CACNB4: variants seen among roughly 807,000 people sequenced by gnomAD.
CACNB4 encodes voltage-dependent L-type calcium channel subunit beta-4.
Under a neutral mutation model 71.2 loss-of-function variants are expected in CACNB4, and 32 were observed. That is an observed-to-expected ratio of 0.45 (90% CI 0.34 to 0.60). The LOEUF is 0.60. Ranked by LOEUF, CACNB4 falls within the 20% of genes least tolerant of loss-of-function variation. CACNB4 has a pLI of 0.01. For missense variants in CACNB4, 464 were observed against 647.9 expected, an observed-to-expected ratio of 0.72 and a Z score of 3.08; for synonymous variants, 231 against 236.9, an observed-to-expected ratio of 0.97 and a Z score of 0.23.
intron 2 of CACNB4, among the ~76,000 whole-genome samples, chr2:152,033,167 C>T (rs958356040): frequency 1.3e-5 from 2 of 152,040 alleles, no homozygotes; most frequent in African/African-American, 2.4e-5. Flanking sequence ...AAGACCCAGG[C>T]GGCTGGTTAA....
At chr2:151,861,639 T>G (rs905882126) in intron 9 of CACNB4, 28 of 151,868 alleles carry the variant, frequency 1.8e-4, no homozygotes, top group African/African-American at 6.8e-4. Flanking sequence ...GGTCAGGAGT[T>G]CAAGACCAGC....
intron 2 of CACNB4, among the ~76,000 whole-genome samples, chr2:151,986,914 G>A (rs1047571305): frequency 3.3e-5 from 5 of 152,116 alleles, no homozygotes; most frequent in Non-Finnish European, 7.3e-5. Flanking sequence ...TTGCTTCAGA[G>A]ATTGTTTTTT....
intron 2 of CACNB4, among the ~76,000 whole-genome samples, chr2:151,888,897 A>C (rs1388903262): frequency 1.3e-5 from 2 of 152,250 alleles, no homozygotes; most frequent in African/African-American, 4.8e-5. Context: ...TGGAACTTTT[A>C]CTGTAATGAT....
intron 2 of CACNB4, among the ~76,000 whole-genome samples, chr2:151,940,167 G>C (rs1176602920): frequency 6.6e-6 from 1 of 152,186 alleles, no homozygotes; most frequent in African/African-American, 2.4e-5. Flanking sequence ...AAGAGGTATG[G>C]CTCTTTCTAG....
chr2:151,876,430 CG>C lies in CACNB4; in HGVS notation c.516del (p.His172GlnfsTer35), dbSNP rs1466945635. ...IQQEQKRGRFHGGKSSGNSSS... is the reference protein window; with the variant it reads ...IQQEQKRGRFXGGKSSGNSSS... ...ATAGAAAAGATGGGAACGTACCCTCCGTGAAAACGTCCTCTTTTTTGTTCTT... is the reference window on the plus strand; with the variant it reads ...ATAGAAAAGATGGGAACGTACCCTCCTGAAAACGTCCTCTTTTTTGTTCTT... On this transcript the variant is annotated frameshift_variant, in exon 5 of 14. Transcript: ENST00000539935. LOFTEE classifies it high-confidence loss of function. 6.3e-7 allele frequency: 1 copy of C among 1,594,284 alleles called. No homozygotes were observed. The highest frequency in any genetic ancestry group is 1.1e-5 in the South Asian group (1 of 88,352).
chr2:151,985,955 T>C (rs1019308295), intron 2 of CACNB4, among the ~76,000 whole-genome samples: 12 of 152,204 alleles, frequency 7.9e-5, no homozygotes, highest in Non-Finnish European at 1.5e-4. Flanking sequence ...GGTTCTAGTA[T>C]CTACATTTTC....
At chr2:152,076,783 T>C (rs188802376) in intron 2 of CACNB4, among the ~76,000 whole-genome samples, 27 of 152,346 alleles carry the variant, frequency 1.8e-4, no homozygotes, top group African/African-American at 5.8e-4. Flanking sequence ...TAAACTTATA[T>C]GGCGTTCCTG....
In CACNB4 at chr2:151,951,439, C is replaced by T. The variant is rs571473323; in HGVS notation, c.148-68069G>A. On this transcript the variant is annotated intron_variant, in intron 2 of 13. Transcript: ENST00000539935. ...GCCAGCACACAGCCCCAGACGACCA[C>T]ATTTTCCAATTTCTTTTAAGGATGC... Among the ~76,000 whole-genome samples the T allele has an allele frequency of 5.9e-5, 9 of 152,264 alleles. No homozygotes were observed. The East Asian group carries it at 1.7e-3, about 29-fold the overall frequency.
rs530730892 is a variant in CACNB4, at chr2:151,895,372, CAA to C, written c.148-12004_148-12003del. On this transcript the variant is annotated intron_variant, in intron 2 of 13. Coordinates refer to ENST00000539935, the MANE Select transcript of CACNB4 (RefSeq NM_000726.5). ...GTCTCTGCTACTCTGGAGTCTAAGACAAGAGAATTTCTTGAGCCCAGGAGCAT... is the reference window on the plus strand; with the variant it reads ...GTCTCTGCTACTCTGGAGTCTAAGACGAGAATTTCTTGAGCCCAGGAGCAT... Among the ~76,000 whole-genome samples, 30 of 152,092 alleles carry C rather than the reference CAA, an allele frequency of 2.0e-4. No individual in the cohort carries two copies. In the East Asian group the frequency reaches 5.8e-3, roughly 29 times the overall value.
intron 2 of CACNB4, among the ~76,000 whole-genome samples, chr2:151,961,110 G>A (rs2099869544): frequency 6.6e-6 from 1 of 152,132 alleles, no homozygotes; most frequent in South Asian, 2.1e-4. Context: ...TTTTAATAAG[G>A]AGGCTGTCAT....
intron 2 of CACNB4, among the ~76,000 whole-genome samples, chr2:152,065,082 A>C (rs188030333): frequency 2.0e-5 from 3 of 152,310 alleles, no homozygotes; most frequent in Non-Finnish European, 1.5e-5. Flanking sequence ...ATTTACTTGC[A>C]TGTCTGTCCC....
Position 151,855,296 on chromosome 2 carries a change from GATGGTGT to G in CACNB4, c.941_947del (p.Asp314AlafsTer8). ...TCTTTATAAGTTGTGCTGGGTGATT[GATGGTGT>G]CTGCATCAAGAACAACCAGTTGCAA... On this transcript the variant is annotated frameshift_variant, in exon 11 of 14. Transcript: ENST00000539935. LOFTEE classifies it high-confidence loss of function. 6.3e-7 allele frequency: 1 copy of G among 1,597,028 alleles called. No homozygotes were observed. Among genetic ancestry groups the G allele is most frequent in the Non-Finnish European group, 8.6e-7 (1 of 1,166,396 alleles).
chr2:152,029,503 AAAAAAAAAGAAAAG>A (rs1287936719), intron 2 of CACNB4, among the ~76,000 whole-genome samples: 2,265 of 120,242 alleles, frequency 0.019, 97 homozygotes, highest in African/African-American at 0.072. Context: ...CAAAAAAAAA[AAAAAAAAAGAAAAG>A]AAAAGAAAAG....
At chr2:151,889,195 G>A (rs1266889304) in intron 2 of CACNB4, among the ~76,000 whole-genome samples, 1 of 152,122 alleles carries the variant, frequency 6.6e-6, no homozygotes, top group African/African-American at 2.4e-5. Flanking sequence ...TTGGCCAGGT[G>A]TGGTGGCTCA....
chr2:151,850,633 A>G (rs916835069), intron 12 of CACNB4: 4 of 152,190 alleles, frequency 2.6e-5, no homozygotes, highest in Admixed American at 6.5e-5. Context: ...TTCCCTAGAC[A>G]TGTTCCACTG....
At chr2:151,896,618 T>G (rs1386434781) in intron 2 of CACNB4, among the ~76,000 whole-genome samples, 1 of 152,198 alleles carries the variant, frequency 6.6e-6, no homozygotes, top group Non-Finnish European at 1.5e-5. Flanking sequence ...CCCATACTCT[T>G]TCCTGGGGTA....
intron 13 of CACNB4, 134 bp downstream of exon 13, chr2:151,841,768 TA>T (rs1163938627): frequency 1.1e-5 from 8 of 702,654 alleles, no homozygotes; most frequent in Middle Eastern, 4.1e-4. Context: ...AGATAATATT[TA>T]AGATTTTTAA....
At chr2:152,021,394 G>A (rs1021059510) in intron 2 of CACNB4, among the ~76,000 whole-genome samples, 2 of 151,996 alleles carry the variant, frequency 1.3e-5, no homozygotes, top group Non-Finnish European at 1.5e-5. Context: ...TACTCAAAGG[G>A]TTAAAACTTC....
intron 2 of CACNB4, chr2:151,936,453 GA>G (rs1334060830): frequency 2.4e-4 from 37 of 152,312 alleles, no homozygotes; most frequent in African/African-American, 8.4e-4. Context: ...GAACTCCAAA[GA>G]AATCTTGTAC....
Sources: allele counts gnomAD v4.1 joint callset (sites outside exome capture counted in the v4.1 genomes callset), GRCh38; gene constraint gnomAD v4.1.1; transcripts MANE v1.5; gene names NCBI Gene and HGNC (gene_info 2026-07-23, HGNC 2026-07-21).